RIMBP2: variants seen among roughly 807,000 people sequenced by gnomAD.
RIMBP2 encodes RIMS binding protein 2, also known as RIMS-binding protein 2.
Under a neutral mutation model 118.6 loss-of-function variants are expected in RIMBP2, and 48 were observed. The observed-to-expected ratio is 0.40, with a 90% CI of 0.32 to 0.51. The LOEUF (loss-of-function observed/expected upper bound fraction) is 0.51. Ranked by LOEUF, RIMBP2 falls within the 20% of genes least tolerant of loss-of-function variation. The probability of loss-of-function intolerance (pLI) is 0.41; values close to 1 mark genes in which losing one functional copy is unlikely to be tolerated. For missense variants in RIMBP2, 1,551 were observed against 1,768.3 expected, an observed-to-expected ratio of 0.88 and a Z score of 2.20; for synonymous variants, 762 against 742.9, an observed-to-expected ratio of 1.03 and a Z score of -0.42.
At chr12:130,611,130 C>T (rs2060516482) in intron 2 of RIMBP2, among the ~76,000 whole-genome samples, 1 of 152,208 alleles carries the variant, frequency 6.6e-6, no homozygotes, top group South Asian at 2.1e-4. Flanking sequence ...GCGGGCAGAG[C>T]CTGAACTCAG....
At chr12:130,714,586 A>G (rs545068037) in intron 1 of RIMBP2, among the ~76,000 whole-genome samples, 2 of 152,314 alleles carry the variant, frequency 1.3e-5, no homozygotes, top group East Asian at 3.9e-4. Context: ...GCACGGGGGA[A>G]TAGCCGCTGC....
rs1555320883 is a variant in RIMBP2, at chr12:130,664,415, A to ACACGCACGCACACGCACGCACACACG, written c.-351-35960_-351-35959insCGTGTGTGCGTGCGTGTGCGTGCGTG. Among the ~76,000 whole-genome samples the ACACGCACGCACACGCACGCACACACG allele has an allele frequency of 6.8e-3, 883 of 130,570 alleles. 32 individuals are homozygous for ACACGCACGCACACGCACGCACACACG. Among genetic ancestry groups the ACACGCACGCACACGCACGCACACACG allele is most frequent in the Non-Finnish European group, 0.012 (708 of 59,366 alleles). The allele number at this position is 130,570 out of a possible 152,430, so 85.7% of individuals were successfully genotyped here. On this transcript the variant is annotated intron_variant, in intron 1 of 22. Transcript: ENST00000690449. ...CACACACACGCACGCACGCACGCAC[A>ACACGCACGCACACGCACGCACACACG]CACACGCACACACATGCATGCACGC...
intron 1 of RIMBP2, among the ~76,000 whole-genome samples, chr12:130,669,455 C>T (rs767437315): frequency 2.0e-5 from 3 of 152,142 alleles, no homozygotes; most frequent in Non-Finnish European, 2.9e-5. Context: ...GATTGCACCA[C>T]GGGGCGGTTT....
intron 4 of RIMBP2, among the ~76,000 whole-genome samples, chr12:130,501,413 C>T (rs2049765117): frequency 6.6e-6 from 1 of 152,198 alleles, no homozygotes; most frequent in African/African-American, 2.4e-5. Context: ...CTCCCTGCAT[C>T]TGAGGTAGGA....
Position 130,419,053 on chromosome 12 carries a change from G to A in RIMBP2, c.3238+3400C>T, listed in dbSNP as rs748436065. 2.6e-5 allele frequency among the ~76,000 whole-genome samples: 4 copies of A among 152,186 alleles called. No individual in the cohort carries two copies. Among genetic ancestry groups the A allele is most frequent in the South Asian group, 2.1e-4 (1 of 4,828 alleles). ...AATCAGCGTATGCGGTGACTCCACC[G>A]TATGTTCTTCCAGAGAGGATGCACT... On this transcript the variant is annotated intron_variant, in intron 17 of 22. Transcript: ENST00000690449. The surrounding 1 kb of genome is among the most constrained non-coding windows in gnomAD (Gnocchi z 4.3).
intron 2 of RIMBP2, among the ~76,000 whole-genome samples, chr12:130,605,616 A>G (rs573604693): frequency 6.6e-6 from 1 of 152,340 alleles, no homozygotes; most frequent in African/African-American, 2.4e-5. Flanking sequence ...CAATATCTAC[A>G]ACTTTGAAAT....
intron 21 of RIMBP2, among the ~76,000 whole-genome samples, chr12:130,405,155 CAAACGTG>C (rs1207604932): frequency 3.3e-5 from 5 of 152,148 alleles, no homozygotes; most frequent in African/African-American, 1.2e-4. Context: ...TGACCGCATG[CAAACGTG>C]AAATTCATCC....
intron 4 of RIMBP2, among the ~76,000 whole-genome samples, chr12:130,492,376 C>T (rs1450397051): frequency 6.7e-6 from 1 of 148,300 alleles, no homozygotes; most frequent in African/African-American, 2.5e-5. Context: ...TCTATTTCAG[C>T]CCAAGTATTT....
At chr12:130,675,483 G>A (rs1440296851) in intron 1 of RIMBP2, among the ~76,000 whole-genome samples, 2 of 152,022 alleles carry the variant, frequency 1.3e-5, no homozygotes, top group Middle Eastern at 3.2e-3. Flanking sequence ...TTCTCCAACA[G>A]AGCCCCTGCT....
At position 130,517,252 on chromosome 12, in the gene RIMBP2, T is replaced by C. The variant is rs534237091; in HGVS notation, c.-127+576A>G. On this transcript the variant is annotated intron_variant, in intron 3 of 22. Coordinates refer to ENST00000690449, the MANE Select transcript of RIMBP2 (RefSeq NM_001393629.1). Reference sequence around the variant, plus strand: ...TGAGCTGGTATGTGAGCACACTCAGTCCCCTTGCCGCGGGGCACCCTATAC... The same window carrying C: ...TGAGCTGGTATGTGAGCACACTCAGCCCCCTTGCCGCGGGGCACCCTATAC... Among the ~76,000 whole-genome samples, 287 of 152,182 alleles carry C rather than the reference T, an allele frequency of 1.9e-3. 4 individuals carry two copies. Among genetic ancestry groups the C allele is most frequent in the African/African-American group, 6.5e-3 (270 of 41,540 alleles).
intron 2 of RIMBP2, among the ~76,000 whole-genome samples, chr12:130,601,532 G>A (rs1463657341): frequency 1.3e-5 from 2 of 152,090 alleles, no homozygotes; most frequent in Admixed American, 1.3e-4. Context: ...TATTGCAGTG[G>A]TGCTGAGCTC....
intron 4 of RIMBP2, among the ~76,000 whole-genome samples, chr12:130,495,034 G>A (rs1177403496): frequency 7.4e-6 from 1 of 136,040 alleles, no homozygotes; most frequent in Non-Finnish European, 1.5e-5. Context: ...ATCCCCTTGG[G>A]TGTCTCTGTG....
At chr12:130,610,551 CTTTTTTTTTT>C (rs386378269) in intron 2 of RIMBP2, among the ~76,000 whole-genome samples, 21 of 81,564 alleles carry the variant, frequency 2.6e-4, no homozygotes, top group East Asian at 1.0e-3. Flanking sequence ...AATTTTCCTG[CTTTTTTTTTT>C]TTTTTTTTTT....
At chr12:130,518,651 T>G (rs1593618657) in intron 2 of RIMBP2, among the ~76,000 whole-genome samples, 1 of 152,164 alleles carries the variant, frequency 6.6e-6, no homozygotes, top group African/African-American at 2.4e-5. Context: ...CTTGTCTTAC[T>G]CTCTACTATC....
rs2059763157 is a variant in RIMBP2, at chr12:130,599,770, A to T, written c.-217+28552T>A. On this transcript the variant is annotated intron_variant, in intron 2 of 22. Coordinates refer to ENST00000690449, the MANE Select transcript of RIMBP2 (RefSeq NM_001393629.1). ...TTCTGCAAATGTTAAATGCACACCT[A>T]CGTATATCCAGCCATTTCATCACTA... Among the ~76,000 whole-genome samples the T allele has an allele frequency of 3.9e-5, 6 of 152,226 alleles. No individual in the cohort carries two copies. The South Asian group carries it at 8.3e-4, about 21-fold the overall frequency.
rs931805031 is a variant in RIMBP2 at position 130,446,511 on chromosome 12, T to C, written c.582-1242A>G. On this transcript the variant is annotated intron_variant, in intron 9 of 22. Coordinates refer to ENST00000690449, the MANE Select transcript of RIMBP2 (RefSeq NM_001393629.1). The surrounding 1 kb of genome is among the most constrained non-coding windows in gnomAD (Gnocchi z 4.1). ...CCACACCAGGTCACGTGGCCCCTCA[T>C]GGTCAGGGTGCAGAGGTCCAGGAAC... Among the ~76,000 whole-genome samples the C allele has an allele frequency of 7.9e-5, 12 of 152,098 alleles. No individual in the cohort carries two copies. Among genetic ancestry groups the C allele is most frequent in the African/African-American group, 2.4e-4 (10 of 41,400 alleles).
At chr12:130,495,373 A>T (rs967394500) in intron 4 of RIMBP2, among the ~76,000 whole-genome samples, 3 of 152,020 alleles carry the variant, frequency 2.0e-5, no homozygotes, top group African/African-American at 7.2e-5. Context: ...CCCCTGTGAG[A>T]TTTCCCCAGG....
intron 11 of RIMBP2, among the ~76,000 whole-genome samples, chr12:130,439,821 C>T (rs1351642130): frequency 2.9e-5 from 1 of 34,434 alleles, no homozygotes; most frequent in Non-Finnish European, 4.8e-5. Flanking sequence ...GTGGGGGTGT[C>T]TGTGTGTGTG....
intron 1 of RIMBP2, among the ~76,000 whole-genome samples, chr12:130,650,575 C>A (rs746320378): frequency 2.0e-5 from 3 of 152,238 alleles, no homozygotes; most frequent in Non-Finnish European, 4.4e-5. Flanking sequence ...GCGGATGGGT[C>A]CCCAGAGCAT....
Sources: gnomAD v4.1 joint callset for allele counts (sites outside exome capture counted in the v4.1 genomes callset) on GRCh38, gnomAD v4.1.1 for gene constraint, Gnocchi (gnomAD v3.1) non-coding constraint, MANE v1.5 for transcripts, NCBI Gene and HGNC (gene_info 2026-07-23, HGNC 2026-07-21) for gene names.